Variants in SLC25A25 observed in about 807,000 individuals in gnomAD.
SLC25A25 encodes the protein mitochondrial adenyl nucleotide antiporter SLC25A25.
Under a neutral mutation model 57.7 loss-of-function variants are expected in SLC25A25, and 32 were observed. That is an observed-to-expected ratio of 0.55 (90% confidence interval 0.42 to 0.74). The LOEUF is 0.74. Among genes scored for constraint, SLC25A25 ranks in the 30% least tolerant of loss-of-function variants. The probability of loss-of-function intolerance (pLI) is 0.00; values close to 1 mark genes in which losing one functional copy is unlikely to be tolerated. For missense variants in SLC25A25, 556 were observed against 701.3 expected (o/e 0.79, Z 2.34); for synonymous variants, 306 against 291.2 (o/e 1.05, Z -0.52).
At chr9:128,092,841 C>T (rs1013793792) in intron 1 of SLC25A25, among the ~76,000 whole-genome samples, 5 of 152,252 alleles carry the variant, frequency 3.3e-5, no homozygotes, top group South Asian at 2.1e-4. Context: ...AGATTTCACC[C>T]CCAAATCCTT....
chr9:128,098,732 G>A (rs1448883593), intron 1 of SLC25A25: 3 of 1,613,358 alleles, frequency 1.9e-6, no homozygotes, highest in Non-Finnish European at 2.5e-6. Flanking sequence ...GCAGGTCTGT[G>A]GGGTGACCGC....
Position 128,095,760 on chromosome 9 carries a change from AGATC to A in SLC25A25, c.262-5334_262-5331del, listed in dbSNP as rs1464648341. Among the ~76,000 whole-genome samples, 2 of 152,182 alleles carry A rather than the reference AGATC, an allele frequency of 1.3e-5. No individual in the cohort carries two copies. Among genetic ancestry groups the A allele is most frequent in the Non-Finnish European group, 2.9e-5 (2 of 68,030 alleles). The stretch of plus-strand genomic sequence containing the variant: ...AGGAGGTGGAGGTTGTAGTGAGCCA[AGATC>A]GCGCCACTGCACTCCAGCCTGGGCG... On this transcript the variant is annotated intron_variant, in intron 1 of 10. Coordinates refer to ENST00000373069, the MANE Select transcript of SLC25A25 (RefSeq NM_001330988.2). The surrounding 1 kb of genome is among the most constrained non-coding windows in gnomAD (Gnocchi z 4.4).
At chr9:128,082,448 C>G (rs1833175703) in intron 1 of SLC25A25, among the ~76,000 whole-genome samples, 1 of 152,072 alleles carries the variant, frequency 6.6e-6, no homozygotes, top group African/African-American at 2.4e-5. Flanking sequence ...CACATAGGAG[C>G]TGAGTTTTTC....
Position 128,103,594 on chromosome 9 carries a change from G to T in SLC25A25, c.625-87G>T. ...TCCCTGTCCTGTGGTCCCTGGCCTGGAGCCGTGCTAGAGGGTAGACGGCGA... is the reference window on the plus strand; with the variant it reads ...TCCCTGTCCTGTGGTCCCTGGCCTGTAGCCGTGCTAGAGGGTAGACGGCGA... On this transcript the variant is annotated intron_variant, in intron 5 of 10. Coordinates refer to ENST00000373069, the MANE Select transcript of SLC25A25 (RefSeq NM_001330988.2). This position sits in a 1 kb window ranked among gnomAD's most constrained non-coding sequence, Gnocchi z 6.7. 1 of 1,563,366 alleles carries T rather than the reference G, an allele frequency of 6.4e-7. No homozygotes were observed. The highest frequency in any genetic ancestry group is 1.7e-5 in the Admixed American group (1 of 58,844).
chr9:128,083,356 A>G (rs745908557), intron 1 of SLC25A25, among the ~76,000 whole-genome samples: 21 of 151,852 alleles, frequency 1.4e-4, no homozygotes, highest in Non-Finnish European at 3.1e-4. Flanking sequence ...TTATATGACC[A>G]TATTGGCTGT....
intron 1 of SLC25A25, among the ~76,000 whole-genome samples, chr9:128,081,834 T>A (rs191212652): frequency 1.3e-5 from 2 of 152,054 alleles, no homozygotes; most frequent in Admixed American, 1.3e-4. Context: ...GGTGGGAAGA[T>A]CCCTTGAGCC....
chr9:128,100,531 C>T (rs1833745150), intron 1 of SLC25A25, among the ~76,000 whole-genome samples: 2 of 152,180 alleles, frequency 1.3e-5, no homozygotes, highest in Admixed American at 6.5e-5. Context: ...TCCCCGGCCT[C>T]GGGTGCTGTG....
Position 128,103,856 on chromosome 9 carries a change from C to A in SLC25A25, c.783+17C>A. The A allele has an allele frequency of 6.5e-7, 1 of 1,530,244 alleles. No homozygotes were observed. Among genetic ancestry groups the A allele is most frequent in the Non-Finnish European group, 8.8e-7 (1 of 1,139,208 alleles). 94.8% of individuals were successfully genotyped at this position (1,530,244 alleles called of 1,614,324 possible). A position where few individuals can be genotyped will look rare whatever the true frequency, so the allele number is the denominator to read the frequency against. The stretch of plus-strand genomic sequence containing the variant: ...CTCATGCAGGTATGTAGGGAAAAGG[C>A]CCCAGACCCCTGGGGGGCCAGTTTC... On this transcript the variant is annotated intron_variant, in intron 6 of 10. Transcript: ENST00000373069. This position sits in a 1 kb window ranked among gnomAD's most constrained non-coding sequence, Gnocchi z 6.7.
chr9:128,109,121 G>A lies in SLC25A25; in HGVS notation c.*1677G>A, dbSNP rs1304378506. ...GAGGAAATCTTCAATAGGATGCAAA[G>A]ATCAATGCAAAAATTGTTATATATG... is the stretch of plus-strand genomic sequence containing the variant. On this transcript the variant is annotated 3_prime_UTR_variant, in exon 11 of 11. Transcript: ENST00000373069. The A allele has an allele frequency of 6.6e-6, 1 of 152,534 alleles. No individual in the cohort carries two copies. Among genetic ancestry groups the A allele is most frequent in the South Asian group, 2.1e-4 (1 of 4,824 alleles). The allele number at this position is 152,534 out of a possible 1,614,324, so 9.4% of individuals were successfully genotyped here.
chr9:128,107,196 A>ACAGT lies in SLC25A25; in HGVS notation c.1363+19_1363+22dup. ...AGGCGCAAGGTAAGGCTGGCCCTGG[A>ACAGT]CAGTCCCCTGGGAGGTCGGGGGGAG... On this transcript the variant is annotated intron_variant, in intron 10 of 10. Coordinates refer to ENST00000373069, the MANE Select transcript of SLC25A25 (RefSeq NM_001330988.2). 1 of 1,613,576 alleles carries ACAGT rather than the reference A, an allele frequency of 6.2e-7. No individual in the cohort carries two copies. The highest frequency in any genetic ancestry group is 8.5e-7 in the Non-Finnish European group (1 of 1,179,912).
intron 1 of SLC25A25, chr9:128,091,699 A>G (rs1056350152): frequency 1.5e-6 from 2 of 1,358,756 alleles, no homozygotes; most frequent in East Asian, 2.7e-5. Context: ...CGGGCACGAC[A>G]GCAGTGCTAG....
In SLC25A25 at chr9:128,107,972, TC is replaced by T; in HGVS notation, c.*531del. ...GTCACGTGGCCTCCCAGGCCTGACT[TC>T]CCAACCTACAGCATTGACGCCAACT... On this transcript the variant is annotated 3_prime_UTR_variant, in exon 11 of 11. Coordinates refer to ENST00000373069, the MANE Select transcript of SLC25A25 (RefSeq NM_001330988.2). The T allele has an allele frequency of 2.5e-6, 1 of 398,966 alleles. No individual in the cohort carries two copies. The allele number at this position is 398,966 out of a possible 1,614,324, so 24.7% of individuals were successfully genotyped here.
chr9:128,106,062 A>G, intron 7 of SLC25A25, 88 bp from the exon 8 acceptor site: 1 of 1,571,792 alleles, frequency 6.4e-7, no homozygotes, highest in Non-Finnish European at 8.7e-7. Context: ...GTAGCATAAA[A>G]TGTGCCGGGG....
Position 128,103,727 on chromosome 9 carries a change from T to G in SLC25A25, c.671T>G (p.Val224Gly). The change falls in exon 6 of 11, where the codon GTG becomes GGG. Residue 224 changes from valine (V) to glycine (G), a missense_variant. Physicochemically the swap from Val to Gly is moderately radical, Grantham distance 109. This residue lies in a region of SLC25A25 where 14 missense variants were observed against 38.2 expected (regional missense o/e 0.37). Transcript: ENST00000373069. The surrounding 1 kb of genome is among the most constrained non-coding windows in gnomAD (Gnocchi z 6.7). ...CTAACGGTCCCGGATGAGTTCACAG[T>G]GGAGGAGAGGCAGACGGGGATGTGG... is the stretch of plus-strand genomic sequence containing the variant. Reference protein sequence around the residue: ...ENLTVPDEFTVEERQTGMWWR... With the variant: ...ENLTVPDEFTGEERQTGMWWR... 6.2e-7 allele frequency: 1 copy of G among 1,614,042 alleles called. No individual in the cohort carries two copies. The highest frequency in any genetic ancestry group is 8.5e-7 in the Non-Finnish European group (1 of 1,179,998).
chr9:128,099,408 G>A lies in SLC25A25; in HGVS notation c.262-1688G>A, dbSNP rs537906402. 2.6e-6 allele frequency: 3 copies of A among 1,152,660 alleles called. No homozygotes were observed. Among genetic ancestry groups the A allele is most frequent in the South Asian group, 1.6e-5 (1 of 62,740 alleles). The allele number at this position is 1,152,660 out of a possible 1,614,324, so 71.4% of individuals were successfully genotyped here. A position where few individuals can be genotyped will look rare whatever the true frequency, so the allele number is the denominator to read the frequency against. On this transcript the variant is annotated intron_variant, in intron 1 of 10. Coordinates refer to ENST00000373069, the MANE Select transcript of SLC25A25 (RefSeq NM_001330988.2). The surrounding 1 kb of genome is among the most constrained non-coding windows in gnomAD (Gnocchi z 6.8). ...GCGGTGAGCACACCCTCTGCTCTGG[G>A]TGTCTGCGACAGCACCCACCCCAGG...
chr9:128,084,203 A>T (rs922961648), intron 1 of SLC25A25, among the ~76,000 whole-genome samples: 12 of 152,002 alleles, frequency 7.9e-5, no homozygotes, highest in African/African-American at 2.9e-4. Flanking sequence ...GACATGCCTA[A>T]TTATACCCTC....
At chr9:128,081,254 C>G (rs969824433) in intron 1 of SLC25A25, among the ~76,000 whole-genome samples, 3 of 152,204 alleles carry the variant, frequency 2.0e-5, no homozygotes, top group Non-Finnish European at 4.4e-5. Flanking sequence ...GCCTGCAGTC[C>G]TTGTGCAAAG....
rs955792432 is a variant in SLC25A25, at chr9:128,109,158, G to A, written c.*1714G>A. ...AATTGTTATATATGAACATATAACTGGAGTCGTCAAAAAGCAAATTAAGAA... is the reference window on the plus strand; with the variant it reads ...AATTGTTATATATGAACATATAACTAGAGTCGTCAAAAAGCAAATTAAGAA... On this transcript the variant is annotated 3_prime_UTR_variant, in exon 11 of 11. Transcript: ENST00000373069. 1 of 152,602 alleles carries A rather than the reference G, an allele frequency of 6.6e-6. No individual in the cohort carries two copies. The highest frequency in any genetic ancestry group is 1.5e-5 in the Non-Finnish European group (1 of 68,038). 9.5% of individuals were successfully genotyped at this position (152,602 alleles called of 1,614,324 possible).
chr9:128,077,176 C>A (rs908948405), intron 1 of SLC25A25, among the ~76,000 whole-genome samples: 1 of 152,200 alleles, frequency 6.6e-6, no homozygotes, highest in Non-Finnish European at 1.5e-5. Flanking sequence ...TTAGCTGAGA[C>A]AATAACCCAT....
Sources: gnomAD v4.1 joint callset for allele counts (sites outside exome capture counted in the v4.1 genomes callset) on GRCh38, gnomAD v4.1.1 for gene constraint, gnomAD v4.1.1 regional missense constraint, Gnocchi (gnomAD v3.1) non-coding constraint, MANE v1.5 for transcripts, NCBI Gene and HGNC (gene_info 2026-07-23, HGNC 2026-07-21) for gene names.